SLC35F1: variants seen among roughly 807,000 people sequenced by gnomAD.
SLC35F1 encodes chromosome 6 open reading frame 169.
In SLC35F1, 14 loss-of-function variants were observed where a neutral mutation model predicts 48.7. The ratio of observed to expected loss-of-function variants is 0.29; its 90% CI spans 0.19 to 0.45. The LOEUF (loss-of-function observed/expected upper bound fraction) is 0.45, where lower values mean the gene tolerates loss of function less well. Among genes scored for constraint, SLC35F1 ranks in the 20% least tolerant of loss-of-function variants. SLC35F1 has a pLI of 1.00. For missense variants in SLC35F1, 404 were observed against 500.0 expected, an observed-to-expected ratio of 0.81 and a Z score of 1.83; for synonymous variants, 190 against 202.2, an observed-to-expected ratio of 0.94 and a Z score of 0.51.
At chr6:117,971,323 T>C (rs1776635167) in intron 1 of SLC35F1, among the ~76,000 whole-genome samples, 1 of 152,254 alleles carries the variant, frequency 6.6e-6, no homozygotes, top group Non-Finnish European at 1.5e-5. Flanking sequence ...TGGGCAGCTC[T>C]GCCCTTGTGG....
At chr6:118,118,670 A>G (rs1332515651) in intron 1 of SLC35F1, among the ~76,000 whole-genome samples, 1 of 152,218 alleles carries the variant, frequency 6.6e-6, no homozygotes, top group Admixed American at 6.5e-5. Context: ...GATTTTTAAA[A>G]GAATCCAGGA....
At chr6:118,297,653 A>ATAAT (rs377592182) in intron 7 of SLC35F1, among the ~76,000 whole-genome samples, 51,268 of 120,482 alleles carry the variant, frequency 0.43, 10,348 homozygotes, top group Middle Eastern at 0.54. Flanking sequence ...ATATATATAT[A>ATAAT]ATATATATAA....
chr6:118,245,090 A>T (rs1287462655), intron 3 of SLC35F1, among the ~76,000 whole-genome samples: 3 of 152,228 alleles, frequency 2.0e-5, no homozygotes, highest in Non-Finnish European at 4.4e-5. Context: ...AGCTTTAAGT[A>T]TTATAGACAT....
In SLC35F1 at chr6:118,190,801, ATTAG is replaced by A. The variant is rs562769339; in HGVS notation, c.349+36187_349+36190del. ...CACCTAAAGTCAAATAGATCAAAGA[ATTAG>A]TTAGTCTACTTGCTTAACTAAGCAC... is the stretch of plus-strand genomic sequence containing the variant. On this transcript the variant is annotated intron_variant, in intron 2 of 7. Coordinates refer to ENST00000360388, the MANE Select transcript of SLC35F1 (RefSeq NM_001029858.4). Among the ~76,000 whole-genome samples, 14 of 152,308 alleles carry A rather than the reference ATTAG, an allele frequency of 9.2e-5. No homozygotes were observed. The South Asian group carries it at 1.0e-3, about 11-fold the overall frequency.
chr6:118,208,976 C>T (rs1294657353), intron 2 of SLC35F1, among the ~76,000 whole-genome samples: 1 of 151,828 alleles, frequency 6.6e-6, no homozygotes, highest in Non-Finnish European at 1.5e-5. Context: ...CAAAGCAAGT[C>T]ATAAAACATA....
intron 2 of SLC35F1, among the ~76,000 whole-genome samples, chr6:118,211,084 G>C (rs1005527657): frequency 1.4e-4 from 22 of 152,168 alleles, no homozygotes; most frequent in Non-Finnish European, 1.3e-4. Context: ...ACAGGGACAG[G>C]ACAGCCATCT....
At chr6:118,179,109 T>G (rs1429298191) in intron 2 of SLC35F1, among the ~76,000 whole-genome samples, 1 of 152,114 alleles carries the variant, frequency 6.6e-6, no homozygotes, top group Admixed American at 6.6e-5. Flanking sequence ...CAGGAGTTTT[T>G]GGAACAGGGG....
chr6:117,967,541 G>A (rs892759508), intron 1 of SLC35F1, among the ~76,000 whole-genome samples: 4 of 152,100 alleles, frequency 2.6e-5, no homozygotes, highest in East Asian at 1.9e-4. Flanking sequence ...TCAAGATAAC[G>A]TTTGTTCAAC....
chr6:118,122,898 T>G (rs17079731), intron 1 of SLC35F1, among the ~76,000 whole-genome samples: 2,917 of 152,220 alleles, frequency 0.019, 94 homozygotes, highest in African/African-American at 0.062. Context: ...TTTGGAACAT[T>G]TATCAACTAG....
At chr6:118,145,749 TA>T (rs1773962280) in intron 1 of SLC35F1, among the ~76,000 whole-genome samples, 1 of 152,160 alleles carries the variant, frequency 6.6e-6, no homozygotes, top group Non-Finnish European at 1.5e-5. Flanking sequence ...AACCATAGCA[TA>T]AAGATAACCT....
intron 6 of SLC35F1, among the ~76,000 whole-genome samples, chr6:118,278,585 G>A (rs984379824): frequency 1.3e-5 from 2 of 152,154 alleles, no homozygotes; most frequent in African/African-American, 4.8e-5. Flanking sequence ...TGACTTCGAG[G>A]GCTGACCAGC....
intron 7 of SLC35F1, among the ~76,000 whole-genome samples, chr6:118,298,338 C>T (rs770640687): frequency 2.5e-4 from 38 of 152,030 alleles, no homozygotes; most frequent in Non-Finnish European, 5.1e-4. Flanking sequence ...TCTCAGGGTT[C>T]TCTTTGACAA....
At chr6:118,181,842 T>G (rs891179159) in intron 2 of SLC35F1, among the ~76,000 whole-genome samples, 2 of 152,140 alleles carry the variant, frequency 1.3e-5, no homozygotes, top group Non-Finnish European at 2.9e-5. Flanking sequence ...GTGATAAGAC[T>G]CACTACCTAT....
At chr6:118,003,050 A>G (rs559522366) in intron 1 of SLC35F1, among the ~76,000 whole-genome samples, 3 of 152,214 alleles carry the variant, frequency 2.0e-5, no homozygotes, top group Admixed American at 6.5e-5. Context: ...TAGCATATAC[A>G]TATATTGCAC....
At chr6:117,915,049 T>C (rs1775810633) in intron 1 of SLC35F1, among the ~76,000 whole-genome samples, 1 of 152,182 alleles carries the variant, frequency 6.6e-6, no homozygotes, top group Non-Finnish European at 1.5e-5. Context: ...AAATAGAGTT[T>C]TCTGAAAATA....
In SLC35F1 at chr6:118,273,492, G is replaced by A. The variant is rs143538618; in HGVS notation, c.638-1967G>A. On this transcript the variant is annotated intron_variant, in intron 4 of 7. Transcript: ENST00000360388. ...CCATGTCATCACAAGATTCTAAAAT[G>A]TCTTCTGAGTGAAGAGACTGGATCA... 7.0e-4 allele frequency among the ~76,000 whole-genome samples: 106 copies of A among 152,234 alleles called. 1 individual carries two copies. In the East Asian group the frequency reaches 0.02, roughly 29 times the overall value.
intron 2 of SLC35F1, among the ~76,000 whole-genome samples, chr6:118,154,925 T>C (rs1774117148): frequency 6.6e-6 from 1 of 152,188 alleles, no homozygotes; most frequent in African/African-American, 2.4e-5. Flanking sequence ...AGTTTTTCCC[T>C]GGAACTTGGA....
At chr6:117,993,080 A>G (rs888265668) in intron 1 of SLC35F1, among the ~76,000 whole-genome samples, 1 of 152,216 alleles carries the variant, frequency 6.6e-6, no homozygotes, top group African/African-American at 2.4e-5. Context: ...AGTCAGCCTC[A>G]GAAGTTTCAA....
intron 1 of SLC35F1, among the ~76,000 whole-genome samples, chr6:117,985,826 G>T (rs908535124): frequency 2.0e-5 from 3 of 152,136 alleles, no homozygotes; most frequent in African/African-American, 7.2e-5. Context: ...ACTTAAGTTG[G>T]ATATCTGTCT....
Sources: allele counts gnomAD v4.1 joint callset (sites outside exome capture counted in the v4.1 genomes callset), GRCh38; gene constraint gnomAD v4.1.1; transcripts MANE v1.5; gene names NCBI Gene and HGNC (gene_info 2026-07-23, HGNC 2026-07-21).